The following CCSER1 variants were observed in gnomAD, a reference collection of about 807,000 sequenced individuals.
CCSER1 encodes the protein coiled-coil serine rich protein 1.
CCSER1 carries 41 observed loss-of-function variants against 82.0 expected under a neutral mutation model. The observed-to-expected ratio is 0.50, with a 90% CI of 0.39 to 0.65. CCSER1 has a LOEUF of 0.65. Ranked by LOEUF, CCSER1 falls within the 30% of genes least tolerant of loss-of-function variation. The pLI is 0.00. For synonymous variants in CCSER1, 414 were observed against 383.9 expected, an observed-to-expected ratio of 1.08 and a Z score of -0.92; for missense variants, 1,119 against 1,064.2, an observed-to-expected ratio of 1.05 and a Z score of -0.72.
intron 10 of CCSER1, among the ~76,000 whole-genome samples, chr4:91,567,267 CT>C (rs1762935818): frequency 6.6e-6 from 1 of 151,858 alleles, no homozygotes; most frequent in Non-Finnish European, 1.5e-5. Context: ...GATTACATTT[CT>C]TTTACATTTG....
chr4:91,376,902 C>CCCCCCATT (rs1553930095), intron 10 of CCSER1, among the ~76,000 whole-genome samples: 1 of 142,672 alleles, frequency 7.0e-6, no homozygotes, highest in Non-Finnish European at 1.5e-5. Context: ...TACTATCCCT[C>CCCCCCATT]CCCCCACCCA....
chr4:90,458,572 C>T (rs1489139201), intron 4 of CCSER1, among the ~76,000 whole-genome samples: 1 of 151,986 alleles, frequency 6.6e-6, no homozygotes, highest in Non-Finnish European at 1.5e-5. Context: ...CCAGGCTGGT[C>T]TCGAACTCCT....
intron 5 of CCSER1, among the ~76,000 whole-genome samples, chr4:90,485,030 G>A (rs1408938520): frequency 5.9e-5 from 9 of 152,208 alleles, no homozygotes; most frequent in South Asian, 2.1e-4. Flanking sequence ...CATCCAGTTC[G>A]AGCTTCCCAG....
chr4:90,453,200 G>T (rs1044929575), intron 4 of CCSER1, among the ~76,000 whole-genome samples: 3 of 152,164 alleles, frequency 2.0e-5, no homozygotes, highest in African/African-American at 2.4e-5. Context: ...GGGAGTTGAG[G>T]TGTAGGAAGG....
At chr4:91,000,793 C>T (rs910943186) in intron 9 of CCSER1, among the ~76,000 whole-genome samples, 1 of 152,130 alleles carries the variant, frequency 6.6e-6, no homozygotes, top group Admixed American at 6.5e-5. Context: ...TGAAACTCTG[C>T]TGAAGTTGTT....
intron 1 of CCSER1, among the ~76,000 whole-genome samples, chr4:90,162,973 A>G (rs1340966102): frequency 1.3e-5 from 2 of 152,118 alleles, no homozygotes; most frequent in African/African-American, 4.8e-5. Flanking sequence ...AAACCATGGA[A>G]ATTATTCACA....
intron 10 of CCSER1, among the ~76,000 whole-genome samples, chr4:91,306,828 T>C (rs1745101266): frequency 6.6e-6 from 1 of 152,042 alleles, no homozygotes; most frequent in Non-Finnish European, 1.5e-5. Context: ...TTAAATCAAC[T>C]TTTACAAAAC....
intron 1 of CCSER1, among the ~76,000 whole-genome samples, chr4:90,164,921 A>G (rs1730174288): frequency 6.6e-6 from 1 of 152,138 alleles, no homozygotes; most frequent in Non-Finnish European, 1.5e-5. Context: ...AGCATACAGA[A>G]ATGGGCCAGA....
intron 5 of CCSER1, among the ~76,000 whole-genome samples, chr4:90,616,613 A>C (rs1479214024): frequency 6.7e-6 from 1 of 148,388 alleles, no homozygotes; most frequent in Non-Finnish European, 1.5e-5. Context: ...TGAACCTGGG[A>C]GGCGGAGGTT....
intron 8 of CCSER1, among the ~76,000 whole-genome samples, chr4:90,884,014 A>C (rs1183800559): frequency 2.0e-5 from 3 of 152,174 alleles, no homozygotes; most frequent in African/African-American, 7.2e-5. Context: ...TCTGATATTC[A>C]TAAATTAGGA....
At chr4:90,339,873 G>A (rs1741083844) in intron 3 of CCSER1, among the ~76,000 whole-genome samples, 1 of 151,650 alleles carries the variant, frequency 6.6e-6, no homozygotes, top group Non-Finnish European at 1.5e-5. Context: ...CAATACTGGA[G>A]CAAAAGATAC....
At chr4:91,415,103 C>T (rs1350788890) in intron 10 of CCSER1, among the ~76,000 whole-genome samples, 3 of 152,144 alleles carry the variant, frequency 2.0e-5, no homozygotes, top group Non-Finnish European at 4.4e-5. Flanking sequence ...GTATACAGAA[C>T]ATTCCATCTA....
chr4:90,420,733 T>A (rs1449147318), intron 4 of CCSER1, among the ~76,000 whole-genome samples: 2 of 152,072 alleles, frequency 1.3e-5, no homozygotes, highest in Admixed American at 1.3e-4. Flanking sequence ...TTTAATGAAG[T>A]CATAGTATTT....
At chr4:91,377,084 AT>A (rs1371444596) in intron 10 of CCSER1, among the ~76,000 whole-genome samples, 1 of 151,938 alleles carries the variant, frequency 6.6e-6, no homozygotes. Flanking sequence ...TGAACTCATC[AT>A]TTTTTATGGC....
chr4:91,166,188 AATTG>A (rs1662052642), intron 10 of CCSER1, among the ~76,000 whole-genome samples: 1 of 152,228 alleles, frequency 6.6e-6, no homozygotes, highest in Admixed American at 6.5e-5. Context: ...GGTTGTATCT[AATTG>A]ATAAATGATA....
At chr4:91,556,524 CTT>C (rs1052888271) in intron 10 of CCSER1, among the ~76,000 whole-genome samples, 7 of 150,486 alleles carry the variant, frequency 4.7e-5, no homozygotes, top group South Asian at 4.2e-4. Flanking sequence ...TACTCTAAAA[CTT>C]AAAGTATAAT....
chr4:91,545,911 G>A (rs1441626481), intron 10 of CCSER1, among the ~76,000 whole-genome samples: 1 of 152,138 alleles, frequency 6.6e-6, no homozygotes, highest in Non-Finnish European at 1.5e-5. Flanking sequence ...TATGGTTTTA[G>A]TTGTAGGTTT....
intron 10 of CCSER1, among the ~76,000 whole-genome samples, chr4:91,315,992 G>A (rs1024411149): frequency 5.9e-5 from 9 of 151,930 alleles, no homozygotes; most frequent in African/African-American, 1.9e-4. Flanking sequence ...ATAAGGGTGG[G>A]TTTTTTCCCA....
chr4:90,793,471 C>T (rs1755554014), intron 7 of CCSER1, among the ~76,000 whole-genome samples: 1 of 151,884 alleles, frequency 6.6e-6, no homozygotes, highest in South Asian at 2.1e-4. Flanking sequence ...AGGATAATGG[C>T]CTCCATCCAT....
Sources: gnomAD v4.1 joint callset for allele counts (sites outside exome capture counted in the v4.1 genomes callset) on GRCh38, gnomAD v4.1.1 for gene constraint, MANE v1.5 for transcripts, NCBI Gene and HGNC (gene_info 2026-07-23, HGNC 2026-07-21) for gene names.